The following PRDM16 variants were observed in gnomAD, a reference collection of about 807,000 sequenced individuals.
PRDM16 encodes histone-lysine N-methyltransferase PRDM16.
Under a neutral mutation model 110.6 loss-of-function variants are expected in PRDM16, and 23 were observed. The ratio of observed to expected loss-of-function variants is 0.21; its 90% confidence interval spans 0.15 to 0.29. The LOEUF (loss-of-function observed/expected upper bound fraction) is 0.29. Among genes scored for constraint, PRDM16 ranks in the 10% least tolerant of loss-of-function variants. The pLI, the probability that PRDM16 is intolerant of heterozygous loss-of-function variation, is 1.00. For synonymous variants in PRDM16, 799 were observed against 781.8 expected (o/e 1.02, Z -0.37); for missense variants, 1,615 against 1,794.3 (o/e 0.90, Z 1.81).
chr1:3,096,083 C>T (rs904416330), intron 1 of PRDM16, among the ~76,000 whole-genome samples: 2 of 152,126 alleles, frequency 1.3e-5, no homozygotes, highest in African/African-American at 2.4e-5. Flanking sequence ...CCCCTGGGGC[C>T]CTGGTGCCTG....
At chr1:3,253,543 A>C (rs1394753500) in intron 3 of PRDM16, among the ~76,000 whole-genome samples, 1 of 151,568 alleles carries the variant, frequency 6.6e-6, no homozygotes, top group Admixed American at 6.6e-5. Flanking sequence ...TGAACTCATC[A>C]TTTTTTATGG....
intron 3 of PRDM16, among the ~76,000 whole-genome samples, chr1:3,275,470 C>G: frequency 6.6e-6 from 1 of 152,184 alleles, no homozygotes; most frequent in African/African-American, 2.4e-5. Flanking sequence ...AGAAGGAGGG[C>G]CTGGGGGACC....
rs1638316744 is a variant in PRDM16 at position 3,417,953 on chromosome 1, C to G, written c.2817C>G (p.Leu939=). The change falls in exon 11 of 17, where the codon CTC becomes CTG. Residue 939 remains leucine (L), a synonymous_variant. Transcript: ENST00000270722. ...PFNFRSPPPT[L]SDPILRKGKE... is the part of the protein sequence containing the mutation. Reference sequence around the variant, plus strand: ...ACTTCCGGTCCCCACCCCCAACGCTCTCCGACCCCATCCTCAGGAAGGGCA... The same window carrying G: ...ACTTCCGGTCCCCACCCCCAACGCTGTCCGACCCCATCCTCAGGAAGGGCA... The G allele has an allele frequency of 1.2e-6, 2 of 1,613,104 alleles. No individual in the cohort carries two copies. Among genetic ancestry groups the G allele is most frequent in the South Asian group, 1.1e-5 (1 of 91,062 alleles).
intron 3 of PRDM16, among the ~76,000 whole-genome samples, chr1:3,277,793 A>C (rs1055311372): frequency 6.6e-6 from 1 of 152,026 alleles, no homozygotes; most frequent in Non-Finnish European, 1.5e-5. Flanking sequence ...ATATGCACAC[A>C]CAAACGCACA....
chr1:3,336,477 TACAC>T (rs1642153788), intron 3 of PRDM16, among the ~76,000 whole-genome samples: 1 of 151,442 alleles, frequency 6.6e-6, no homozygotes, highest in African/African-American at 2.4e-5. Context: ...TGCACATACA[TACAC>T]ATGTGTGTTG....
chr1:3,137,746 G>A (rs1470229355), intron 1 of PRDM16, among the ~76,000 whole-genome samples: 5 of 152,244 alleles, frequency 3.3e-5, no homozygotes, highest in Admixed American at 6.5e-5. Flanking sequence ...CCTGCTCTTC[G>A]CAGAGTGCCT....
chr1:3,103,972 T>C (rs1642589902), intron 1 of PRDM16, among the ~76,000 whole-genome samples: 1 of 152,216 alleles, frequency 6.6e-6, no homozygotes, highest in South Asian at 2.1e-4. Context: ...TTCAAACCTA[T>C]ACAATTTTTT....
chr1:3,425,400 G>T lies in PRDM16; in HGVS notation c.2940-181G>T, dbSNP rs982099856. ...GAAGCCGGGGCTGTTTCTAGGGACA[G>T]CTTCCCCAGGATGCCTTTGGCTCTG... On this transcript the variant is annotated intron_variant, in intron 12 of 16. Coordinates refer to ENST00000270722, the MANE Select transcript of PRDM16 (RefSeq NM_022114.4). The surrounding 1 kb of genome is among the most constrained non-coding windows in gnomAD (Gnocchi z 6.9). 1.7e-6 allele frequency: 1 copy of T among 602,898 alleles called. No individual in the cohort carries two copies. The highest frequency in any genetic ancestry group is 2.9e-6 in the Non-Finnish European group (1 of 349,842). The allele number at this position is 602,898 out of a possible 1,614,324, so 37.3% of individuals were successfully genotyped here. A position where few individuals can be genotyped will look rare whatever the true frequency, so the allele number is the denominator to read the frequency against.
intron 2 of PRDM16, among the ~76,000 whole-genome samples, chr1:3,230,097 A>G (rs1431472928): frequency 6.6e-6 from 1 of 152,180 alleles, no homozygotes; most frequent in African/African-American, 2.4e-5. Flanking sequence ...GGACCCCTAC[A>G]GGGTCACTGT....
rs1020762078 is a variant in PRDM16 at position 3,339,572 on chromosome 1, G to A, written c.439-45580G>A. On this transcript the variant is annotated intron_variant, in intron 3 of 16. Transcript: ENST00000270722. The surrounding 1 kb of genome is among the most constrained non-coding windows in gnomAD (Gnocchi z 5.0). ...TTCAGGCAGTGAGGTGGGAAGGAGC[G>A]TGGGAGGAGGCTGCGGAGCGACCAT... Among the ~76,000 whole-genome samples, 2 of 152,030 alleles carry A rather than the reference G, an allele frequency of 1.3e-5. No individual in the cohort carries two copies. Among genetic ancestry groups the A allele is most frequent in the African/African-American group, 4.8e-5 (2 of 41,392 alleles).
chr1:3,322,370 ATAAATCTCACGCTCCTTG>A (rs1476765588), intron 3 of PRDM16, among the ~76,000 whole-genome samples: 2 of 152,270 alleles, frequency 1.3e-5, no homozygotes, highest in East Asian at 3.9e-4. Context: ...TCCGGAGCCT[ATAAATCTCACGCTCCTTG>A]TAAAAACAGA....
chr1:3,363,650 C>A (rs1311225062), intron 3 of PRDM16, among the ~76,000 whole-genome samples: 10 of 152,130 alleles, frequency 6.6e-5, no homozygotes, highest in Admixed American at 6.5e-4. Context: ...CCCAATAAGG[C>A]CCCCTTGGAA....
At chr1:3,384,125 AC>A (rs1643155762) in intron 3 of PRDM16, among the ~76,000 whole-genome samples, 1 of 150,384 alleles carries the variant, frequency 6.6e-6, no homozygotes, top group Non-Finnish European at 1.5e-5. Context: ...ACCCACATAC[AC>A]CTGTCCAGCA....
chr1:3,220,723 AGGG>A (rs1639132409), intron 2 of PRDM16, among the ~76,000 whole-genome samples: 1 of 152,200 alleles, frequency 6.6e-6, no homozygotes, highest in Non-Finnish European at 1.5e-5. Context: ...ACAGGTGTGC[AGGG>A]GCCTGGCAAA....
chr1:3,091,553 C>T (rs1642277387), intron 1 of PRDM16, among the ~76,000 whole-genome samples: 2 of 152,210 alleles, frequency 1.3e-5, no homozygotes, highest in African/African-American at 2.4e-5. Context: ...TCTCCGTGCA[C>T]CCCTCATTCC....
chr1:3,284,050 G>T (rs932492104), intron 3 of PRDM16, among the ~76,000 whole-genome samples: 6 of 152,310 alleles, frequency 3.9e-5, no homozygotes, highest in African/African-American at 9.6e-5. Flanking sequence ...GGCCTGGGGG[G>T]GCCTGGAGCT....
chr1:3,375,079 GA>G (rs1305773951), intron 3 of PRDM16, among the ~76,000 whole-genome samples: 2 of 152,218 alleles, frequency 1.3e-5, no homozygotes, highest in African/African-American at 4.8e-5. Context: ...CTGGAAAGCA[GA>G]AAAGAGGCTT....
chr1:3,150,059 A>G (rs932605429), intron 1 of PRDM16, among the ~76,000 whole-genome samples: 4 of 152,202 alleles, frequency 2.6e-5, no homozygotes, highest in African/African-American at 9.6e-5. Flanking sequence ...AGGAGAGGAC[A>G]CGGGTCACCC....
chr1:3,140,851 G>A (rs978458897), intron 1 of PRDM16, among the ~76,000 whole-genome samples: 22 of 152,370 alleles, frequency 1.4e-4, no homozygotes, highest in African/African-American at 4.8e-4. Context: ...CGGCAAAACC[G>A]TCATCCACAT....
Sources: gnomAD v4.1 joint callset for allele counts (sites outside exome capture counted in the v4.1 genomes callset) on GRCh38, gnomAD v4.1.1 for gene constraint, Gnocchi (gnomAD v3.1) non-coding constraint, MANE v1.5 for transcripts, NCBI Gene and HGNC (gene_info 2026-07-23, HGNC 2026-07-21) for gene names.